Variants in DLG4 observed in about 807,000 individuals in gnomAD.
DLG4 encodes the protein discs large MAGUK scaffold protein 4, also known as disks large homolog 4.
DLG4 carries 7 observed loss-of-function variants against 93.8 expected under a neutral mutation model. The ratio of observed to expected loss-of-function variants is 0.07; its 90% CI spans 0.04 to 0.14. The LOEUF (loss-of-function observed/expected upper bound fraction) is 0.14. Ranked by LOEUF, DLG4 falls within the 10% of genes least tolerant of loss-of-function variation. DLG4 has a pLI of 1.00. For synonymous variants in DLG4, 341 were observed against 387.6 expected (o/e 0.88, Z 1.41); for missense variants, 545 against 992.9 (o/e 0.55, Z 6.06).
Position 7,191,985 on chromosome 17 carries a change from G to C in DLG4, c.1884C>G (p.Leu628=), listed in dbSNP as rs574653579. 3.4e-6 allele frequency: 5 copies of C among 1,456,120 alleles called. No homozygotes were observed. In the South Asian group the frequency reaches 7.5e-5, roughly 22 times the overall value. 90.2% of individuals were successfully genotyped at this position (1,456,120 alleles called of 1,614,324 possible). Residue 628 remains leucine (L), a synonymous_variant, in exon 18 of 20, where the codon CTC becomes CTG. Coordinates refer to ENST00000399506, the MANE Select transcript of DLG4 (RefSeq NM_001321075.3). The surrounding 1 kb of genome is among the most constrained non-coding windows in gnomAD (Gnocchi z 6.6). ...EVAEQGKHCI[L]DVSANAVRRL... The stretch of plus-strand genomic sequence containing the variant: ...GCCGCACGGCATTGGCCGAGACATC[G>C]AGGATGCAGTGCTTCCCCTGGGGGC...
Position 7,196,573 on chromosome 17 carries a change from G to A in DLG4, c.1086C>T (p.Val362=), listed in dbSNP as rs202067107. 1 of 1,613,980 alleles carries A rather than the reference G, an allele frequency of 6.2e-7. No individual in the cohort carries two copies. The highest frequency in any genetic ancestry group is 1.3e-5 in the African/African-American group (1 of 75,052). Residue 362 remains valine (V), a splice_region_variant and synonymous_variant, in exon 10 of 20, where the codon GTC becomes GTT. Transcript: ENST00000399506. The surrounding 1 kb of genome is among the most constrained non-coding windows in gnomAD (Gnocchi z 8.3). ...TGGCATTTCGGAGGTCCACACCGTT[G>A]ACCTAGAGAGAGGACGACAGGCTGT... is the stretch of plus-strand genomic sequence containing the variant. The part of the protein sequence containing the change: ...ELRKGDQILS[V]NGVDLRNASH...
Position 7,204,016 on chromosome 17 carries a change from A to G in DLG4, c.202T>C (p.Leu68=), listed in dbSNP as rs1314165698. 5.6e-6 allele frequency: 9 copies of G among 1,611,456 alleles called. No homozygotes were observed. Among genetic ancestry groups the G allele is most frequent in the East Asian group, 2.2e-5 (1 of 44,810 alleles). ...EGEMEYEEIT[L]ERGNSGLGFS... is the part of the protein sequence containing the mutation. ...TGGAGGAGCCTGCTCACCCTTTCCA[A>G]TGTGATTTCCTCGTATTCCATCTCC... Residue 68 remains leucine, a synonymous_variant, in exon 4 of 20, where the codon TTG becomes CTG. Coordinates refer to ENST00000399506, the MANE Select transcript of DLG4 (RefSeq NM_001321075.3).
chr17:7,211,919 G>A (rs2070733381), intron 1 of DLG4, among the ~76,000 whole-genome samples: 1 of 149,026 alleles, frequency 6.7e-6, no homozygotes, highest in Admixed American at 6.8e-5. Context: ...CAACTTCCCT[G>A]GTTCACGCTG....
At chr17:7,199,207 T>G (rs1351249862) in intron 8 of DLG4, among the ~76,000 whole-genome samples, 1 of 152,004 alleles carries the variant, frequency 6.6e-6, no homozygotes, top group African/African-American at 2.4e-5. Context: ...TTTTAATTAT[T>G]TATTTTTTTG....
chr17:7,211,689 C>G (rs2070712228), intron 1 of DLG4: 11 of 977,892 alleles, frequency 1.1e-5, no homozygotes, highest in Non-Finnish European at 1.3e-5. Flanking sequence ...GAATCTGTTC[C>G]GAGCCGACAT....
At position 7,193,025 on chromosome 17, in the gene DLG4, G is replaced by A; in HGVS notation, c.1786C>T (p.His596Tyr). 1 of 1,613,734 alleles carries A rather than the reference G, an allele frequency of 6.2e-7. No individual in the cohort carries two copies. Among genetic ancestry groups the A allele is most frequent in the East Asian group, 2.2e-5 (1 of 44,872 alleles). ...TACTGGCCGGCCTCAATGAACTTGT[G>A]CGCCTGAATGTCCTTCTCCATTTTC... ...REKMEKDIQAHKFIEAGQYNS... is the reference protein window; with the variant it reads ...REKMEKDIQAYKFIEAGQYNS... Residue 596 changes from histidine to tyrosine, a missense_variant, in exon 17 of 20, where the codon CAC becomes TAC. By Grantham distance (83) the His-to-Tyr change is moderately conservative. Transcript: ENST00000399506. The surrounding 1 kb of genome is among the most constrained non-coding windows in gnomAD (Gnocchi z 6.7).
rs998703059 is a variant in DLG4, at chr17:7,191,714, C to A, written c.1976+179G>T. 5.3e-6 allele frequency: 3 copies of A among 566,998 alleles called. No individual in the cohort carries two copies. The highest frequency in any genetic ancestry group is 6.4e-6 in the Non-Finnish European group (2 of 314,746). The allele number at this position is 566,998 out of a possible 1,614,324, so 35.1% of individuals were successfully genotyped here. On this transcript the variant is annotated intron_variant, in intron 18 of 19. Transcript: ENST00000399506. The surrounding 1 kb of genome is among the most constrained non-coding windows in gnomAD (Gnocchi z 6.6). ...GAAATGTAGTCCTGTCTAGCCAAGGCAGGAGAGGAGGGGAAAGACCCGATT... is the reference window on the plus strand; with the variant it reads ...GAAATGTAGTCCTGTCTAGCCAAGGAAGGAGAGGAGGGGAAAGACCCGATT...
chr17:7,213,374 AC>A (rs963478098), intron 1 of DLG4, among the ~76,000 whole-genome samples: 6 of 152,088 alleles, frequency 3.9e-5, no homozygotes. Flanking sequence ...TGCTGGGATT[AC>A]AGGTGTGAGC....
chr17:7,192,191 AG>A, intron 17 of DLG4, 189 bp from the exon 18 acceptor site: 1 of 438,442 alleles, frequency 2.3e-6, no homozygotes, highest in Non-Finnish European at 4.0e-6. Context: ...TAAAAGACAG[AG>A]GGAAAGGAAA....
chr17:7,197,776 T>G (rs1051539042), intron 8 of DLG4, among the ~76,000 whole-genome samples: 4 of 152,178 alleles, frequency 2.6e-5, no homozygotes, highest in Non-Finnish European at 5.9e-5. Flanking sequence ...TGAGCCACCT[T>G]GACCAGCCTA....
At chr17:7,206,115 G>C (rs1250773543) in intron 2 of DLG4, among the ~76,000 whole-genome samples, 1 of 151,890 alleles carries the variant, frequency 6.6e-6, no homozygotes, top group African/African-American at 2.4e-5. Context: ...CCAGAGACAA[G>C]GTCTCGCTGT....
rs950325892 is a variant in DLG4, at chr17:7,189,009, G to C, written c.*1699C>G. Among the ~76,000 whole-genome samples, 1 of 151,540 alleles carries C rather than the reference G, an allele frequency of 6.6e-6. No homozygotes were observed. Among genetic ancestry groups the C allele is most frequent in the African/African-American group, 2.4e-5 (1 of 41,174 alleles). On this transcript the variant is annotated 3_prime_UTR_variant, in exon 20 of 20. Coordinates refer to ENST00000399506, the MANE Select transcript of DLG4 (RefSeq NM_001321075.3). ...CGCCTGTAATCCCAGCTATTCGAGA[G>C]GCTGAGGCAGGAGAACCGTGTGAAC...
At chr17:7,213,709 C>A in intron 1 of DLG4, 1 of 462,614 alleles carries the variant, frequency 2.2e-6, no homozygotes, top group Non-Finnish European at 4.5e-6. Context: ...ACCCTTCCAG[C>A]TCTTAAAACC....
At position 7,191,999 on chromosome 17, in the gene DLG4, T is replaced by TC; in HGVS notation, c.1869dup (p.Lys624GlufsTer39). On this transcript the variant is annotated frameshift_variant, in exon 18 of 20. Coordinates refer to ENST00000399506, the MANE Select transcript of DLG4 (RefSeq NM_001321075.3). LOFTEE classifies it high-confidence loss of function. The surrounding 1 kb of genome is among the most constrained non-coding windows in gnomAD (Gnocchi z 6.6). ...GCCGAGACATCGAGGATGCAGTGCTTCCCCTGGGGGCAGGCAGGGTGGGCG... is the reference window on the plus strand; with the variant it reads ...GCCGAGACATCGAGGATGCAGTGCTTCCCCCTGGGGGCAGGCAGGGTGGGCG... The TC allele has an allele frequency of 7.0e-7, 1 of 1,427,634 alleles. No homozygotes were observed. The highest frequency in any genetic ancestry group is 9.2e-7 in the Non-Finnish European group (1 of 1,083,692). The allele number at this position is 1,427,634 out of a possible 1,614,324, so 88.4% of individuals were successfully genotyped here. A position where few individuals can be genotyped will look rare whatever the true frequency, so the allele number is the denominator to read the frequency against.
At position 7,194,050 on chromosome 17, in the gene DLG4, C is replaced by A. The variant is rs1170755931; in HGVS notation, c.1479-50G>T. ...CGGGTAGGGGAATGCCTACCCCCTG[C>A]CACCCCCATGCTCTGAGCCAGCTGA... On this transcript the variant is annotated intron_variant, in intron 12 of 19. Coordinates refer to ENST00000399506, the MANE Select transcript of DLG4 (RefSeq NM_001321075.3). This position sits in a 1 kb window ranked among gnomAD's most constrained non-coding sequence, Gnocchi z 4.4. The A allele has an allele frequency of 1.2e-6, 2 of 1,600,152 alleles. No homozygotes were observed. The highest frequency in any genetic ancestry group is 2.3e-5 in the East Asian group (1 of 44,402).
In DLG4 at chr17:7,193,916, C is replaced by G; in HGVS notation, c.1516-45G>C. The G allele has an allele frequency of 6.2e-7, 1 of 1,613,292 alleles. No homozygotes were observed. The highest frequency in any genetic ancestry group is 8.5e-7 in the Non-Finnish European group (1 of 1,179,636). On this transcript the variant is annotated intron_variant, in intron 13 of 19. Coordinates refer to ENST00000399506, the MANE Select transcript of DLG4 (RefSeq NM_001321075.3). The surrounding 1 kb of genome is among the most constrained non-coding windows in gnomAD (Gnocchi z 6.7). ...CACGGGGTTAGTTATGAGCTCAGCT[C>G]CATGAGCCCTCACACTTCCACCCAG...
chr17:7,206,523 C>T (rs984316832), intron 2 of DLG4, among the ~76,000 whole-genome samples: 8 of 152,098 alleles, frequency 5.3e-5, no homozygotes, highest in South Asian at 2.1e-4. Flanking sequence ...CCCTCAGGCT[C>T]CCTACCTCCT....
intron 2 of DLG4, among the ~76,000 whole-genome samples, chr17:7,207,411 T>C (rs2070516456): frequency 6.7e-6 from 1 of 150,022 alleles, no homozygotes; most frequent in African/African-American, 2.5e-5. Context: ...AACTCAGGAG[T>C]GGAGCAAAGC....
chr17:7,203,406 A>G lies in DLG4; in HGVS notation c.505+18T>C, dbSNP rs2070268250. 2 of 1,597,006 alleles carry G rather than the reference A, an allele frequency of 1.3e-6. No individual in the cohort carries two copies. The highest frequency in any genetic ancestry group is 1.7e-5 in the Admixed American group (1 of 59,620). ...ACAGGACAGTTGGGATGGGGGTGGG[A>G]ACAAAATGAGTTACTACCTTTAGGC... On this transcript the variant is annotated intron_variant, in intron 6 of 19. Transcript: ENST00000399506. The surrounding 1 kb of genome is among the most constrained non-coding windows in gnomAD (Gnocchi z 7.2).
Sources: gnomAD v4.1 joint callset for allele counts (sites outside exome capture counted in the v4.1 genomes callset) on GRCh38, gnomAD v4.1.1 for gene constraint, Gnocchi (gnomAD v3.1) non-coding constraint, MANE v1.5 for transcripts, NCBI Gene and HGNC (gene_info 2026-07-23, HGNC 2026-07-21) for gene names.